The following PPIL1 variants were observed in gnomAD, a reference collection of about 807,000 sequenced individuals.
The protein encoded by PPIL1 is peptidylprolyl isomerase like 1, also known as peptidyl-prolyl cis-trans isomerase-like 1.
Under a neutral mutation model 19.4 loss-of-function variants are expected in PPIL1, and 14 were observed. The ratio of observed to expected loss-of-function variants is 0.72; its 90% CI spans 0.48 to 1.13. The LOEUF (loss-of-function observed/expected upper bound fraction) is 1.13, where lower values mean the gene tolerates loss of function less well. Among genes scored for constraint, PPIL1 ranks in the 50% most tolerant of loss-of-function variants. PPIL1 has a pLI of 0.00. For missense variants in PPIL1, 192 were observed against 218.0 expected (o/e 0.88, Z 0.75); for synonymous variants, 72 against 73.6 (o/e 0.98, Z 0.11).
chr6:36,868,466 A>G lies in PPIL1; in HGVS notation c.211+3252T>C, dbSNP rs1291334627. On this transcript the variant is annotated intron_variant, in intron 2 of 3. Coordinates refer to ENST00000373699, the MANE Select transcript of PPIL1 (RefSeq NM_016059.5). The stretch of plus-strand genomic sequence containing the variant: ...TAAGTATAACAGAGAAAATATTCAG[A>G]AATAGAAATCAAAAAATTAACCCTG... Among the ~76,000 whole-genome samples the G allele has an allele frequency of 2.0e-5, 3 of 152,242 alleles. No homozygotes were observed. In the East Asian group the frequency reaches 5.8e-4, roughly 29 times the overall value.
At chr6:36,861,384 T>C (rs548122546) in intron 2 of PPIL1, among the ~76,000 whole-genome samples, 3 of 152,298 alleles carry the variant, frequency 2.0e-5, no homozygotes, top group East Asian at 1.9e-4. Flanking sequence ...CATTTTGGAA[T>C]TGATACATAC....
intron 2 of PPIL1, among the ~76,000 whole-genome samples, chr6:36,864,908 G>GT (rs1261653636): frequency 2.0e-5 from 3 of 151,908 alleles, no homozygotes; most frequent in African/African-American, 7.3e-5. Flanking sequence ...ATTCACTGTT[G>GT]TATCTCCAGC....
Position 36,855,272 on chromosome 6 carries a change from G to C in PPIL1, c.*541C>G, listed in dbSNP as rs1193293526. 1 of 155,392 alleles carries C rather than the reference G, an allele frequency of 6.4e-6. No individual in the cohort carries two copies. The allele number at this position is 155,392 out of a possible 1,614,324, so 9.6% of individuals were successfully genotyped here. On this transcript the variant is annotated 3_prime_UTR_variant, in exon 4 of 4. Transcript: ENST00000373699. ...CTGAAGTGTCAGAAACAGCACTGTT[G>C]ATGTTCTGGTTTTGAGAGGGAAAAT... is the stretch of plus-strand genomic sequence containing the variant.
Position 36,855,550 on chromosome 6 carries a change from T to A in PPIL1, c.*263A>T. 1 of 483,970 alleles carries A rather than the reference T, an allele frequency of 2.1e-6. No individual in the cohort carries two copies. 30.0% of individuals were successfully genotyped at this position (483,970 alleles called of 1,614,324 possible). ...AGCAGACATGCACAAGAAGCAGCAT[T>A]ATGGTTCATGTGTAGTAAGTAGTCA... On this transcript the variant is annotated 3_prime_UTR_variant, in exon 4 of 4. Coordinates refer to ENST00000373699, the MANE Select transcript of PPIL1 (RefSeq NM_016059.5).
intron 2 of PPIL1, among the ~76,000 whole-genome samples, chr6:36,857,844 T>C (rs1246508419): frequency 1.3e-5 from 2 of 152,152 alleles, no homozygotes; most frequent in Non-Finnish European, 1.5e-5. Flanking sequence ...GCTAGCAGCA[T>C]CACCACCAAA....
At chr6:36,867,218 C>T (rs1208600871) in intron 2 of PPIL1, among the ~76,000 whole-genome samples, 6 of 152,304 alleles carry the variant, frequency 3.9e-5, no homozygotes, top group Middle Eastern at 3.4e-3. Flanking sequence ...CATTCAGATG[C>T]GTCTGCCATA....
chr6:36,860,808 C>G (rs1291699782), intron 2 of PPIL1, among the ~76,000 whole-genome samples: 2 of 143,896 alleles, frequency 1.4e-5, no homozygotes, highest in Non-Finnish European at 3.0e-5. Context: ...TGTTTTTAAG[C>G]TTTTTTACTA....
intron 2 of PPIL1, among the ~76,000 whole-genome samples, chr6:36,856,922 T>C (rs1774179905): frequency 6.6e-6 from 1 of 152,208 alleles, no homozygotes; most frequent in Admixed American, 6.5e-5. Context: ...ATCAAAAAGG[T>C]AGAAAACATA....
intron 2 of PPIL1, among the ~76,000 whole-genome samples, chr6:36,864,826 C>T (rs760658154): frequency 1.6e-4 from 25 of 152,188 alleles, no homozygotes; most frequent in Non-Finnish European, 3.1e-4. Context: ...CATCTGCCAT[C>T]CCTGAGAGTA....
chr6:36,857,582 T>C (rs1774193724), intron 2 of PPIL1, among the ~76,000 whole-genome samples: 1 of 152,164 alleles, frequency 6.6e-6, no homozygotes, highest in South Asian at 2.1e-4. Flanking sequence ...TCCCAAGTGC[T>C]GGGATTATAG....
At position 36,864,246 on chromosome 6, in the gene PPIL1, C is replaced by T. The variant is rs116396989; in HGVS notation, c.211+7472G>A. Reference sequence around the variant, plus strand: ...AATCGCAGCACTCCCCTGCTTGAAACCCTCCATCAACACTGTATCACTCTG... The same window carrying T: ...AATCGCAGCACTCCCCTGCTTGAAATCCTCCATCAACACTGTATCACTCTG... On this transcript the variant is annotated intron_variant, in intron 2 of 3. Transcript: ENST00000373699. Among the ~76,000 whole-genome samples the T allele has an allele frequency of 6.6e-3, 1,004 of 152,030 alleles. 4 individuals are homozygous for T. Among genetic ancestry groups the T allele is most frequent in the South Asian group, 0.013 (61 of 4,810 alleles).
intron 2 of PPIL1, among the ~76,000 whole-genome samples, chr6:36,857,460 C>A (rs34031451): frequency 0.19 from 29,022 of 151,472 alleles, 2,982 homozygotes; most frequent in East Asian, 0.28. Context: ...TGAGCTGGGC[C>A]ACAGAGCGAG....
Position 36,868,915 on chromosome 6 carries a change from T to A in PPIL1, c.211+2803A>T, listed in dbSNP as rs771672649. Among the ~76,000 whole-genome samples the A allele has an allele frequency of 5.9e-5, 9 of 152,290 alleles. No homozygotes were observed. The East Asian group carries it at 1.2e-3, about 20-fold the overall frequency. On this transcript the variant is annotated intron_variant, in intron 2 of 3. Transcript: ENST00000373699. ...ACCAGAAGGCAATTGATCAGAAATG[T>A]CTAAAAAGATCTCAGAATGCTATAC...
intron 1 of PPIL1, among the ~76,000 whole-genome samples, chr6:36,872,644 G>C (rs540941557): frequency 9.9e-5 from 15 of 151,724 alleles, no homozygotes; most frequent in African/African-American, 2.9e-4. Context: ...GGTCTCCTCT[G>C]TCACCCAGGT....
intron 2 of PPIL1, among the ~76,000 whole-genome samples, chr6:36,868,311 T>G (rs1774434044): frequency 6.6e-6 from 1 of 151,920 alleles, no homozygotes; most frequent in African/African-American, 2.4e-5. Flanking sequence ...AGTAAAGGTC[T>G]GAGATTATTT....
At chr6:36,861,538 A>G (rs1774288152) in intron 2 of PPIL1, among the ~76,000 whole-genome samples, 1 of 152,168 alleles carries the variant, frequency 6.6e-6, no homozygotes, top group Non-Finnish European at 1.5e-5. Flanking sequence ...GCTCAACTAT[A>G]TACTATAGAT....
chr6:36,869,866 A>G (rs1774472197), intron 2 of PPIL1, among the ~76,000 whole-genome samples: 1 of 152,238 alleles, frequency 6.6e-6, no homozygotes, highest in African/African-American at 2.4e-5. Flanking sequence ...TTCTGTTTTA[A>G]AAACAATAGC....
chr6:36,859,123 G>C (rs531298876), intron 2 of PPIL1, among the ~76,000 whole-genome samples: 4 of 152,184 alleles, frequency 2.6e-5, no homozygotes, highest in Non-Finnish European at 4.4e-5. Context: ...TTAAGGAATA[G>C]GTCAGTCAAG....
intron 1 of PPIL1, among the ~76,000 whole-genome samples, chr6:36,872,302 G>C (rs927529395): frequency 2.0e-5 from 3 of 151,872 alleles, no homozygotes; most frequent in Non-Finnish European, 1.5e-5. Context: ...TTCTGGGTGG[G>C]GGTAGGGACT....
Sources: gnomAD v4.1 joint callset for allele counts (sites outside exome capture counted in the v4.1 genomes callset) on GRCh38, gnomAD v4.1.1 for gene constraint, MANE v1.5 for transcripts, NCBI Gene and HGNC (gene_info 2026-07-23, HGNC 2026-07-21) for gene names.